SAMD3: variants seen among roughly 807,000 people sequenced by gnomAD.
SAMD3 encodes sterile alpha motif domain-containing protein 3.
In SAMD3, 63 loss-of-function variants were observed where a neutral mutation model predicts 58.5. The observed-to-expected ratio is 1.08, with a 90% CI of 0.88 to 1.33. SAMD3 has a LOEUF of 1.33. SAMD3 is among the 40% of genes most tolerant of loss of function. SAMD3 has a pLI of 0.00. For synonymous variants in SAMD3, 220 were observed against 210.3 expected, an observed-to-expected ratio of 1.05 and a Z score of -0.40; for missense variants, 604 against 608.4, an observed-to-expected ratio of 0.99 and a Z score of 0.08.
intron 7 of SAMD3, among the ~76,000 whole-genome samples, chr6:130,181,040 C>T (rs577708384): frequency 5.0e-4 from 75 of 150,060 alleles, no homozygotes; most frequent in African/African-American, 8.1e-4. Flanking sequence ...CTCGGCCTCC[C>T]GGTTCAAGCG....
intron 2 of SAMD3, among the ~76,000 whole-genome samples, chr6:130,233,578 T>A (rs2114882924): frequency 6.6e-6 from 1 of 152,330 alleles, no homozygotes; most frequent in Non-Finnish European, 1.5e-5. Flanking sequence ...GAGTTTCTAT[T>A]CAACAGCGAT....
intron 2 of SAMD3, among the ~76,000 whole-genome samples, chr6:130,301,820 A>G (rs952943332): frequency 4.6e-5 from 7 of 152,204 alleles, no homozygotes; most frequent in African/African-American, 1.4e-4. Flanking sequence ...CTGGTCTTTG[A>G]CAAAGTTGAC....
At chr6:130,181,632 T>C (rs192214227) in intron 7 of SAMD3, among the ~76,000 whole-genome samples, 1 of 152,260 alleles carries the variant, frequency 6.6e-6, no homozygotes, top group Admixed American at 6.5e-5. Context: ...ACCATCAAAC[T>C]AAAGGTCAAA....
intron 2 of SAMD3, among the ~76,000 whole-genome samples, chr6:130,284,159 G>A (rs535439561): frequency 6.6e-6 from 1 of 152,212 alleles, no homozygotes. Context: ...GGCCTAAGAA[G>A]CATTTCTTAC....
chr6:130,322,530 G>A (rs781229467), intron 1 of SAMD3, among the ~76,000 whole-genome samples: 1 of 152,124 alleles, frequency 6.6e-6, no homozygotes, highest in African/African-American at 2.4e-5. Context: ...CCAGCTACTC[G>A]GAGGCTGAGG....
chr6:130,205,419 T>C (rs1179723517), intron 5 of SAMD3, among the ~76,000 whole-genome samples: 1 of 152,166 alleles, frequency 6.6e-6, no homozygotes, highest in Non-Finnish European at 1.5e-5. Flanking sequence ...TTCTACTGCC[T>C]CTGCCTCTCA....
chr6:130,160,468 G>A (rs146793051), intron 8 of SAMD3: 15 of 152,224 alleles, frequency 9.9e-5, no homozygotes, highest in Non-Finnish European at 1.5e-4. Context: ...AGGAAAATTC[G>A]TGGAAGATGA....
Position 130,184,113 on chromosome 6 carries a change from C to A in SAMD3, c.644G>T (p.Gly215Val), listed in dbSNP as rs1792678527. 1 of 1,613,684 alleles carries A rather than the reference C, an allele frequency of 6.2e-7. No individual in the cohort carries two copies. Among genetic ancestry groups the A allele is most frequent in the African/African-American group, 1.3e-5 (1 of 74,880 alleles). The change falls in exon 7 of 12, where the codon GGC (glycine) becomes GTC (valine). Residue 215 changes from glycine (G) to valine (V), a missense_variant. By Grantham distance (109) the Gly-to-Val change is moderately radical (BLOSUM62 -3). Coordinates refer to ENST00000439090, the MANE Select transcript of SAMD3 (RefSeq NM_001017373.4). Reference sequence around the variant, plus strand: ...CATGTGGTCACTTACGAAGCCACAGCCATCCTCATCCAGGAAAGGGTGGGC... The same window carrying A: ...CATGTGGTCACTTACGAAGCCACAGACATCCTCATCCAGGAAAGGGTGGGC... ...LQAHPFLDEDGCGFFLWKRAL... is the reference protein window; with the variant it reads ...LQAHPFLDEDVCGFFLWKRAL...
rs558215462 is a variant in SAMD3, at chr6:130,236,718, C to T, written c.-187-13905G>A. On this transcript the variant is annotated intron_variant, in intron 2 of 13. Coordinates refer to the SAMD3 transcript ENST00000368134. Reference sequence around the variant, plus strand: ...TTTATATTACCCAAGTTATCATGACCAGTTTATATTATGTAATCAGTAGTG... The same window carrying T: ...TTTATATTACCCAAGTTATCATGACTAGTTTATATTATGTAATCAGTAGTG... Among the ~76,000 whole-genome samples the T allele has an allele frequency of 2.0e-5, 3 of 152,234 alleles. No individual in the cohort carries two copies. The East Asian group carries it at 5.8e-4, about 29-fold the overall frequency.
intron 2 of SAMD3, among the ~76,000 whole-genome samples, chr6:130,245,429 G>A (rs1174390838): frequency 6.6e-6 from 1 of 152,222 alleles, no homozygotes. Flanking sequence ...GGGAAGGAAA[G>A]TGTGCTCTCT....
chr6:130,361,767 A>T (rs1036691408), intron 1 of SAMD3, among the ~76,000 whole-genome samples: 1 of 152,208 alleles, frequency 6.6e-6, no homozygotes, highest in Non-Finnish European at 1.5e-5. Context: ...TTTTACAATA[A>T]ATTTTCACAG....
chr6:130,307,872 T>C (rs761612952), intron 2 of SAMD3, among the ~76,000 whole-genome samples: 1 of 152,222 alleles, frequency 6.6e-6, no homozygotes, highest in African/African-American at 2.4e-5. Flanking sequence ...GAACCAAAGA[T>C]TGTAAAAAAC....
intron 9 of SAMD3, among the ~76,000 whole-genome samples, chr6:130,151,852 G>T (rs1331418749): frequency 6.6e-6 from 1 of 152,146 alleles, no homozygotes; most frequent in Non-Finnish European, 1.5e-5. Context: ...GCATCTGAAA[G>T]GATTTTTTGG....
At chr6:130,237,291 T>A (rs1403941562) in intron 2 of SAMD3, among the ~76,000 whole-genome samples, 1 of 152,150 alleles carries the variant, frequency 6.6e-6, no homozygotes, top group African/African-American at 2.4e-5. Context: ...TTTGAACACA[T>A]ATTTTAGTTG....
At chr6:130,300,546 C>A (rs1775711561) in intron 2 of SAMD3, among the ~76,000 whole-genome samples, 1 of 152,168 alleles carries the variant, frequency 6.6e-6, no homozygotes, top group Non-Finnish European at 1.5e-5. Context: ...TTGAAGCAAG[C>A]ATTCCCCCTA....
At chr6:130,238,464 A>T (rs1367493089) in intron 2 of SAMD3, among the ~76,000 whole-genome samples, 1 of 152,210 alleles carries the variant, frequency 6.6e-6, no homozygotes, top group Non-Finnish European at 1.5e-5. Flanking sequence ...GAGGAACAAT[A>T]GCAAGAGATC....
chr6:130,213,880 C>T (rs112702896), intron 4 of SAMD3, among the ~76,000 whole-genome samples: 1 of 152,064 alleles, frequency 6.6e-6, no homozygotes, highest in African/African-American at 2.4e-5. Context: ...CAAATTACAT[C>T]GTAAAGGCAT....
chr6:130,183,780 C>T (rs1342286896), intron 7 of SAMD3, among the ~76,000 whole-genome samples: 1 of 151,492 alleles, frequency 6.6e-6, no homozygotes, highest in African/African-American at 2.4e-5. Context: ...AAACACAGGG[C>T]AGAGAGAGAC....
At chr6:130,248,179 CGTGTGTGTGTGTGT>C (rs71810571) in intron 2 of SAMD3, among the ~76,000 whole-genome samples, 3 of 146,284 alleles carry the variant, frequency 2.1e-5, no homozygotes, top group Non-Finnish European at 3.0e-5. Context: ...AAGTGTTTTG[CGTGTGTGTGTGTGT>C]GTGTGTGTGT....
Sources: gnomAD v4.1 joint callset for allele counts (sites outside exome capture counted in the v4.1 genomes callset) on GRCh38, gnomAD v4.1.1 for gene constraint, MANE v1.5 for transcripts, NCBI Gene and HGNC (gene_info 2026-07-23, HGNC 2026-07-21) for gene names.